Variants in TASP1 observed in about 807,000 individuals in gnomAD.
TASP1 encodes taspase 1, also known as threonine aspartase 1.
In TASP1, 16 loss-of-function variants were observed where a neutral mutation model predicts 56.6. The ratio of observed to expected loss-of-function variants is 0.28; its 90% CI spans 0.19 to 0.43. The LOEUF is 0.43. TASP1 is among the 20% of genes least tolerant of loss of function. The pLI is 1.00. For missense variants in TASP1, 393 were observed against 511.6 expected, an observed-to-expected ratio of 0.77 and a Z score of 2.24; for synonymous variants, 179 against 184.2, an observed-to-expected ratio of 0.97 and a Z score of 0.23.
intron 10 of TASP1, among the ~76,000 whole-genome samples, chr20:13,527,641 C>A (rs2045035632): frequency 2.0e-5 from 3 of 152,044 alleles, no homozygotes; most frequent in Non-Finnish European, 4.4e-5. Flanking sequence ...TACGCACACA[C>A]ACACTTTGTA....
the TASP1 span, among the ~76,000 whole-genome samples, chr20:13,129,282 G>A: frequency 8.5e-5 from 13 of 152,122 alleles, no homozygotes; most frequent in South Asian, 8.3e-4. Flanking sequence ...GATTACAGGC[G>A]TGAGCCACTG....
chr20:13,608,142 T>A (rs2048225615), intron 4 of TASP1, among the ~76,000 whole-genome samples: 1 of 152,214 alleles, frequency 6.6e-6, no homozygotes, highest in African/African-American at 2.4e-5. Flanking sequence ...ATACTCTTTT[T>A]CAAACTAACA....
chr20:13,197,497 T>C, the TASP1 span, among the ~76,000 whole-genome samples: 2 of 152,202 alleles, frequency 1.3e-5, no homozygotes, highest in African/African-American at 4.8e-5. Context: ...ATAAGTGATA[T>C]AATTAAGCTT....
intron 4 of TASP1, among the ~76,000 whole-genome samples, chr20:13,594,894 C>T (rs941267799): frequency 1.2e-4 from 18 of 152,134 alleles, no homozygotes; most frequent in Middle Eastern, 3.4e-3. Context: ...AGATACTCCT[C>T]GAGAAGAGCA....
intron 12 of TASP1, among the ~76,000 whole-genome samples, chr20:13,426,662 T>C (rs1447535321): frequency 6.6e-6 from 1 of 152,178 alleles, no homozygotes; most frequent in Non-Finnish European, 1.5e-5. Context: ...TCTGAAAATA[T>C]TAATCTCAGA....
intron 11 of TASP1, among the ~76,000 whole-genome samples, chr20:13,470,001 GT>G (rs1285645011): frequency 6.6e-6 from 1 of 151,166 alleles, no homozygotes; most frequent in African/African-American, 2.4e-5. Flanking sequence ...TAGAGACGGG[GT>G]TTTCCCATGT....
the TASP1 span, among the ~76,000 whole-genome samples, chr20:13,311,464 G>T: frequency 6.6e-6 from 1 of 152,226 alleles, no homozygotes; most frequent in African/African-American, 2.4e-5. Flanking sequence ...AAATCAGTAT[G>T]TGAAAGAGAT....
intron 4 of TASP1, among the ~76,000 whole-genome samples, chr20:13,597,728 G>A (rs149025249): frequency 1.3e-5 from 2 of 152,120 alleles, no homozygotes; most frequent in Non-Finnish European, 2.9e-5. Flanking sequence ...ATTAGGAAAA[G>A]AAGAAGTCAA....
At chr20:13,440,423 A>T (rs1015025446) in intron 11 of TASP1, among the ~76,000 whole-genome samples, 4 of 152,176 alleles carry the variant, frequency 2.6e-5, no homozygotes, top group African/African-American at 9.7e-5. Context: ...AAACTGTCCA[A>T]ATTGGAGCAT....
At chr20:13,308,142 C>T in the TASP1 span, among the ~76,000 whole-genome samples, 3 of 152,158 alleles carry the variant, frequency 2.0e-5, no homozygotes, top group South Asian at 2.1e-4. Flanking sequence ...TAACTCAATA[C>T]GTGCATACTG....
intron 10 of TASP1, among the ~76,000 whole-genome samples, chr20:13,513,782 G>T (rs984224459): frequency 6.6e-6 from 1 of 152,048 alleles, no homozygotes; most frequent in Non-Finnish European, 1.5e-5. Flanking sequence ...TGGTTCTGAG[G>T]AAAGTCCAGG....
At chr20:13,499,644 G>C (rs2043870794) in intron 10 of TASP1, among the ~76,000 whole-genome samples, 1 of 152,054 alleles carries the variant, frequency 6.6e-6, no homozygotes, top group African/African-American at 2.4e-5. Flanking sequence ...TGGTGGAGCA[G>C]AAAGACGGAA....
At chr20:13,511,040 A>C (rs899721595) in intron 10 of TASP1, among the ~76,000 whole-genome samples, 2 of 152,080 alleles carry the variant, frequency 1.3e-5, no homozygotes, top group Non-Finnish European at 2.9e-5. Flanking sequence ...TCCTGTACTC[A>C]TCACTGGTTC....
chr20:13,254,890 T>C, the TASP1 span, among the ~76,000 whole-genome samples: 23 of 152,208 alleles, frequency 1.5e-4, no homozygotes, highest in Non-Finnish European at 1.6e-4. Context: ...TGTCATTCCT[T>C]CCTTTTCCAT....
intron 1 of TASP1, among the ~76,000 whole-genome samples, chr20:13,631,612 G>A (rs1018371310): frequency 2.0e-5 from 3 of 152,130 alleles, no homozygotes; most frequent in African/African-American, 2.4e-5. Flanking sequence ...TAGTCTAGAA[G>A]CATAAACATA....
chr20:13,260,615 T>C, the TASP1 span, among the ~76,000 whole-genome samples: 1 of 152,134 alleles, frequency 6.6e-6, no homozygotes. Context: ...TTTTTTTTTT[T>C]TGAAGTTAGT....
intron 6 of TASP1, among the ~76,000 whole-genome samples, chr20:13,570,684 C>A (rs866700961): frequency 8.5e-5 from 13 of 152,072 alleles, no homozygotes; most frequent in Middle Eastern, 3.4e-3. Context: ...AACAACTTTA[C>A]CTCTTCAAAA....
At chr20:13,160,833 T>C in the TASP1 span, among the ~76,000 whole-genome samples, 1 of 152,178 alleles carries the variant, frequency 6.6e-6, no homozygotes, top group Non-Finnish European at 1.5e-5. Context: ...AGAAGAAATA[T>C]AGAAAACTGT....
chr20:13,286,594 A>G, the TASP1 span, among the ~76,000 whole-genome samples: 30 of 152,298 alleles, frequency 2.0e-4, no homozygotes, highest in African/African-American at 7.2e-4. Context: ...CGGGGGGCAG[A>G]TAAGATGGGA....
Sources: gnomAD v4.1 joint callset for allele counts (sites outside exome capture counted in the v4.1 genomes callset) on GRCh38, gnomAD v4.1.1 for gene constraint, MANE v1.5 for transcripts, NCBI Gene and HGNC (gene_info 2026-07-23, HGNC 2026-07-21) for gene names.